PRIM2: variants seen among roughly 807,000 people sequenced by gnomAD.
The protein encoded by PRIM2 is DNA primase large subunit.
A neutral mutation model predicts 67.3 loss-of-function variants in PRIM2; 39 were observed. The observed-to-expected ratio is 0.58, with a 90% CI of 0.45 to 0.76. The LOEUF (loss-of-function observed/expected upper bound fraction) is 0.76, where lower values mean the gene tolerates loss of function less well. Among genes scored for constraint, PRIM2 ranks in the 30% least tolerant of loss-of-function variants. PRIM2 has a pLI of 0.00. For missense variants in PRIM2, 398 were observed against 598.7 expected (o/e 0.66, Z 3.50); for synonymous variants, 143 against 198.7 (o/e 0.72, Z 2.36).
At chr6:57,573,291 C>T (rs1775896009) in intron 10 of PRIM2, among the ~76,000 whole-genome samples, 1 of 152,184 alleles carries the variant, frequency 6.6e-6, no homozygotes, top group Non-Finnish European at 1.5e-5. Context: ...CTATATAGGA[C>T]ATCAGAGGCA....
In PRIM2 at chr6:57,525,335, T is replaced by C. The variant is rs1554349265; in HGVS notation, c.762-7076T>C. Among the ~76,000 whole-genome samples the C allele has an allele frequency of 5.9e-5, 9 of 152,356 alleles. No homozygotes were observed. The East Asian group carries it at 1.7e-3, about 29-fold the overall frequency. ...AAATGTCAGAATGTTTTAATATATTTAACGTTGTTAAACTACAAATGATAA... is the reference window on the plus strand; with the variant it reads ...AAATGTCAGAATGTTTTAATATATTCAACGTTGTTAAACTACAAATGATAA... On this transcript the variant is annotated intron_variant, in intron 8 of 13. Coordinates refer to ENST00000615550, the MANE Select transcript of PRIM2 (RefSeq NM_000947.5).
At chr6:57,630,986 G>T (rs1341968497) in intron 12 of PRIM2, among the ~76,000 whole-genome samples, 1 of 152,162 alleles carries the variant, frequency 6.6e-6, no homozygotes, top group Non-Finnish European at 1.5e-5. Flanking sequence ...TGGTTGGCTG[G>T]CATTTACACA....
At chr6:57,319,670 A>G (rs1031034202) in intron 2 of PRIM2, among the ~76,000 whole-genome samples, 3 of 152,182 alleles carry the variant, frequency 2.0e-5, no homozygotes, top group Non-Finnish European at 2.9e-5. Context: ...AGGAGTTAGC[A>G]TTGATAGGAT....
chr6:57,320,886 A>G (rs1029063614), intron 3 of PRIM2, among the ~76,000 whole-genome samples: 1 of 152,210 alleles, frequency 6.6e-6, no homozygotes, highest in African/African-American at 2.4e-5. Context: ...ATCCCGTGCA[A>G]TACAGGATGA....
At chr6:57,222,281 C>A in the PRIM2 span, 1 of 152,358 alleles carries the variant, frequency 6.6e-6, no homozygotes, top group East Asian at 1.9e-4. Flanking sequence ...CTCCCCTCAT[C>A]TGTGGACCCG....
chr6:57,519,741 A>C lies in PRIM2; in HGVS notation c.761+12287A>C, dbSNP rs1380520031. ...AAGAGATTAAAGTAAAGACAGGCAT[A>C]GGAAATCACAAGGGTATTGATTGGG... is the stretch of plus-strand genomic sequence containing the variant. On this transcript the variant is annotated intron_variant, in intron 8 of 13. Coordinates refer to ENST00000615550, the MANE Select transcript of PRIM2 (RefSeq NM_000947.5). 2.6e-5 allele frequency among the ~76,000 whole-genome samples: 4 copies of C among 152,250 alleles called. No individual in the cohort carries two copies. In the East Asian group the frequency reaches 7.7e-4, roughly 29 times the overall value.
At chr6:57,313,395 C>A (rs1238670300), upstream of PRIM2, among the ~76,000 whole-genome samples, 3 of 152,108 alleles carry the variant, frequency 2.0e-5, no homozygotes, top group Non-Finnish European at 4.4e-5. Flanking sequence ...ATTCTCATAT[C>A]CCCAGCATAG....
intron 7 of PRIM2, among the ~76,000 whole-genome samples, chr6:57,408,732 G>A (rs2127362015): frequency 6.6e-6 from 1 of 152,094 alleles, no homozygotes; most frequent in East Asian, 1.9e-4. Flanking sequence ...TGTTTTTAGA[G>A]GTAGGGTCTT....
intron 7 of PRIM2, among the ~76,000 whole-genome samples, chr6:57,459,400 T>C (rs4409180): frequency 6.6e-6 from 1 of 152,232 alleles, no homozygotes; most frequent in African/African-American, 2.4e-5. Flanking sequence ...TTGAATAAAA[T>C]GATCTTATTA....
intron 5 of PRIM2, among the ~76,000 whole-genome samples, chr6:57,358,400 G>C (rs1427927651): frequency 6.6e-6 from 1 of 152,188 alleles, no homozygotes; most frequent in East Asian, 1.9e-4. Context: ...TTGCAGGTTG[G>C]TGAGATTTCC....
chr6:57,283,612 C>A, the PRIM2 span, among the ~76,000 whole-genome samples: 4 of 151,876 alleles, frequency 2.6e-5, no homozygotes, highest in Non-Finnish European at 5.9e-5. Flanking sequence ...TTTTTTTCAG[C>A]CTCAACTCTA....
chr6:57,330,348 G>GTTTTTTTTT (rs1238317111), intron 5 of PRIM2, among the ~76,000 whole-genome samples: 1,163 of 85,994 alleles, frequency 0.014, 1 homozygote, highest in South Asian at 0.017. Flanking sequence ...TGCTGAACTT[G>GTTTTTTTTT]TTTTTTTTTT....
intron 7 of PRIM2, among the ~76,000 whole-genome samples, chr6:57,499,660 A>T (rs1774089139): frequency 6.6e-6 from 1 of 152,206 alleles, no homozygotes; most frequent in Non-Finnish European, 1.5e-5. Context: ...TCATTTCTGA[A>T]GGCTCCCATA....
Position 57,338,133 on chromosome 6 carries a change from A to C in PRIM2, c.459+12088A>C, listed in dbSNP as rs541781392. On this transcript the variant is annotated intron_variant, in intron 5 of 13. Coordinates refer to ENST00000615550, the MANE Select transcript of PRIM2 (RefSeq NM_000947.5). ...AAGAAATGGGTAAATTCCTCGACAC[A>C]TACACTCTCCCAAGACTAAACCAGG... Among the ~76,000 whole-genome samples, 8 of 151,924 alleles carry C rather than the reference A, an allele frequency of 5.3e-5. No homozygotes were observed. The South Asian group carries it at 8.4e-4, about 16-fold the overall frequency.
chr6:57,267,620 G>A, the PRIM2 span, among the ~76,000 whole-genome samples: 1 of 151,830 alleles, frequency 6.6e-6, no homozygotes, highest in East Asian at 2.0e-4. Context: ...GAATAAATAA[G>A]AATGGTTGAC....
At chr6:57,570,890 G>T (rs1221369245) in intron 10 of PRIM2, among the ~76,000 whole-genome samples, 25 of 152,094 alleles carry the variant, frequency 1.6e-4, no homozygotes, top group Admixed American at 1.4e-3. Context: ...TTGTAAAGCT[G>T]AGGAGCATTT....
chr6:57,360,124 A>G (rs1278230144), intron 5 of PRIM2, among the ~76,000 whole-genome samples: 5 of 152,208 alleles, frequency 3.3e-5, no homozygotes, highest in African/African-American at 1.2e-4. Context: ...CATAGTATAG[A>G]TTGTGGACAG....
At chr6:57,525,444 A>G (rs1205678551) in intron 8 of PRIM2, among the ~76,000 whole-genome samples, 1 of 152,122 alleles carries the variant, frequency 6.6e-6, no homozygotes, top group African/African-American at 2.4e-5. Context: ...CTATTTTCCA[A>G]CTACATTCTC....
At chr6:57,286,961 A>G in the PRIM2 span, among the ~76,000 whole-genome samples, 1 of 152,240 alleles carries the variant, frequency 6.6e-6, no homozygotes, top group African/African-American at 2.4e-5. Context: ...GTGAACAGAC[A>G]CTTCTCAAAA....
Sources: allele counts gnomAD v4.1 joint callset (sites outside exome capture counted in the v4.1 genomes callset), GRCh38; gene constraint gnomAD v4.1.1; transcripts MANE v1.5; gene names NCBI Gene and HGNC (gene_info 2026-07-23, HGNC 2026-07-21).